The following ARHGAP26 variants were observed in gnomAD, a reference collection of about 807,000 sequenced individuals.
The protein encoded by ARHGAP26 is rho GTPase-activating protein 26.
Under a neutral mutation model 104.8 loss-of-function variants are expected in ARHGAP26, and 38 were observed. The observed-to-expected ratio is 0.36, with a 90% CI of 0.28 to 0.48. The LOEUF (loss-of-function observed/expected upper bound fraction) is 0.48. Among genes scored for constraint, ARHGAP26 ranks in the 20% least tolerant of loss-of-function variants. ARHGAP26 has a pLI of 0.99. For synonymous variants in ARHGAP26, 341 were observed against 340.0 expected (o/e 1.00, Z -0.03); for missense variants, 704 against 947.9 (o/e 0.74, Z 3.38).
intron 1 of ARHGAP26, among the ~76,000 whole-genome samples, chr5:142,872,272 C>T (rs1598019785): frequency 6.6e-6 from 1 of 152,138 alleles, no homozygotes; most frequent in East Asian, 1.9e-4. Context: ...AGAAAAAGTA[C>T]TGGGAGTCAC....
chr5:142,885,680 A>G (rs1757599774), intron 5 of ARHGAP26, among the ~76,000 whole-genome samples: 3 of 152,136 alleles, frequency 2.0e-5, no homozygotes, highest in African/African-American at 4.8e-5. Context: ...AGATGTCTTC[A>G]TTTCATACTG....
chr5:143,123,255 T>A (rs1020644653), intron 18 of ARHGAP26, among the ~76,000 whole-genome samples: 3 of 152,226 alleles, frequency 2.0e-5, no homozygotes, highest in African/African-American at 7.2e-5. Flanking sequence ...AAGGTCATCC[T>A]TCATATTCAT....
At chr5:143,148,948 C>T (rs1327807330) in intron 20 of ARHGAP26, among the ~76,000 whole-genome samples, 1 of 152,154 alleles carries the variant, frequency 6.6e-6, no homozygotes, top group Non-Finnish European at 1.5e-5. Context: ...ATTTTCTTTT[C>T]AGTGGCTGGT....
At chr5:143,091,591 A>C (rs1483708604) in intron 17 of ARHGAP26, among the ~76,000 whole-genome samples, 1 of 152,174 alleles carries the variant, frequency 6.6e-6, no homozygotes, top group Non-Finnish European at 1.5e-5. Flanking sequence ...TACCAGATAA[A>C]CTAAATTTCA....
chr5:142,830,376 A>T (rs930443783), intron 1 of ARHGAP26, among the ~76,000 whole-genome samples: 1 of 152,162 alleles, frequency 6.6e-6, no homozygotes, highest in African/African-American at 2.4e-5. Context: ...ATTAAAAATT[A>T]TTTTGTGGTG....
intron 20 of ARHGAP26, among the ~76,000 whole-genome samples, chr5:143,184,572 G>T (rs376810931): frequency 6.6e-6 from 1 of 152,190 alleles, no homozygotes. Flanking sequence ...ACTGGGGGAA[G>T]CCAGTAATTC....
At chr5:143,153,806 C>G (rs1373160796) in intron 20 of ARHGAP26, among the ~76,000 whole-genome samples, 1 of 152,172 alleles carries the variant, frequency 6.6e-6, no homozygotes, top group Non-Finnish European at 1.5e-5. Flanking sequence ...TCATGCATTT[C>G]CAAGTTATTT....
intron 11 of ARHGAP26, among the ~76,000 whole-genome samples, chr5:142,985,241 A>T (rs1404361875): frequency 1.3e-5 from 2 of 152,254 alleles, no homozygotes; most frequent in East Asian, 3.8e-4. Flanking sequence ...GTTTTAAGCT[A>T]AATGTTATTA....
intron 1 of ARHGAP26, among the ~76,000 whole-genome samples, chr5:142,868,582 A>G (rs1030239777): frequency 1.3e-5 from 2 of 152,122 alleles, no homozygotes; most frequent in Admixed American, 6.5e-5. Flanking sequence ...AGACTTGGGA[A>G]TGGACATGGC....
chr5:143,148,897 T>A (rs1599238791), intron 20 of ARHGAP26, among the ~76,000 whole-genome samples: 1 of 152,296 alleles, frequency 6.6e-6, no homozygotes, highest in African/African-American at 2.4e-5. Context: ...TTGCTTAACA[T>A]CCCCTGATTT....
chr5:143,161,026 T>G (rs1402847726), intron 20 of ARHGAP26, among the ~76,000 whole-genome samples: 1 of 136,546 alleles, frequency 7.3e-6, no homozygotes, highest in Non-Finnish European at 1.6e-5. Flanking sequence ...TTTTTTTTTT[T>G]TGAGATGGAG....
intron 1 of ARHGAP26, among the ~76,000 whole-genome samples, chr5:142,830,013 G>A (rs547690842): frequency 2.9e-4 from 44 of 152,202 alleles, no homozygotes; most frequent in Non-Finnish European, 5.6e-4. Flanking sequence ...AGAATAGTAG[G>A]AAGGGGCAAT....
At chr5:143,040,211 TAGTTTTTGA>T (rs1178702023) in intron 13 of ARHGAP26, among the ~76,000 whole-genome samples, 1 of 152,208 alleles carries the variant, frequency 6.6e-6, no homozygotes, top group Admixed American at 6.5e-5. Flanking sequence ...ACCCATCACT[TAGTTTTTGA>T]AGTTTTTGAC....
intron 11 of ARHGAP26, among the ~76,000 whole-genome samples, chr5:142,973,217 C>T (rs1486626435): frequency 6.6e-6 from 1 of 152,034 alleles, no homozygotes; most frequent in East Asian, 1.9e-4. Context: ...TAGAAGAGAT[C>T]GTTAAAAAGG....
chr5:142,815,057 G>A (rs879303139), intron 1 of ARHGAP26, among the ~76,000 whole-genome samples: 8 of 152,180 alleles, frequency 5.3e-5, no homozygotes, highest in Admixed American at 3.3e-4. Context: ...CTGGAGTGGG[G>A]TGGCATGATC....
rs573709990 is a variant in ARHGAP26, at chr5:143,227,858, GA to G, written c.*5422del. ...GGATAAATATTATGCTTACTGAGGA[GA>G]AAAAAAAAAGCGATCACAGAAAAAT... On this transcript the variant is annotated 3_prime_UTR_variant, in exon 23 of 23. Coordinates refer to ENST00000645722, the MANE Select transcript of ARHGAP26 (RefSeq NM_001135608.3). 0.016 allele frequency: 3,261 copies of G among 201,804 alleles called. 32 individuals carry two copies. The highest frequency in any genetic ancestry group is 0.021 in the Non-Finnish European group (2,145 of 100,196). The allele number at this position is 201,804 out of a possible 1,614,324, so 12.5% of individuals were successfully genotyped here. A position where few individuals can be genotyped will look rare whatever the true frequency, so the allele number is the denominator to read the frequency against.
At chr5:143,079,045 C>T (rs921886019) in intron 17 of ARHGAP26, among the ~76,000 whole-genome samples, 2 of 152,196 alleles carry the variant, frequency 1.3e-5, no homozygotes, top group Non-Finnish European at 2.9e-5. Context: ...AGGATTATTA[C>T]TTTATCTTAT....
chr5:143,022,817 T>C lies in ARHGAP26; in HGVS notation c.1144+8701T>C, dbSNP rs138958848. 9.6e-3 allele frequency among the ~76,000 whole-genome samples: 1,461 copies of C among 152,330 alleles called. 19 individuals carry two copies. The highest frequency in any genetic ancestry group is 0.033 in the African/African-American group (1,387 of 41,558). On this transcript the variant is annotated intron_variant, in intron 12 of 22. Transcript: ENST00000645722. ...CATACTCAAACCCTAGCCTGCCTCATTGCCAGGGTCATTTTTTTCCTGCAA... is the reference window on the plus strand; with the variant it reads ...CATACTCAAACCCTAGCCTGCCTCACTGCCAGGGTCATTTTTTTCCTGCAA...
At chr5:142,807,213 A>T (rs1312718428) in intron 1 of ARHGAP26, among the ~76,000 whole-genome samples, 2 of 152,238 alleles carry the variant, frequency 1.3e-5, no homozygotes, top group Non-Finnish European at 2.9e-5. Flanking sequence ...ATTTGATCCT[A>T]GCAACAGTTG....
Sources: allele counts gnomAD v4.1 joint callset (sites outside exome capture counted in the v4.1 genomes callset), GRCh38; gene constraint gnomAD v4.1.1; transcripts MANE v1.5; gene names NCBI Gene and HGNC (gene_info 2026-07-23, HGNC 2026-07-21).